The following MALRD1 variants were observed in gnomAD, a reference collection of about 807,000 sequenced individuals.
MALRD1 encodes the protein MAM and LDL receptor class A domain containing 1.
A neutral mutation model predicts 242.1 loss-of-function variants in MALRD1; 247 were observed. The observed-to-expected ratio is 1.02, with a 90% CI of 0.92 to 1.13. MALRD1 has a LOEUF of 1.13. Among genes scored for constraint, MALRD1 ranks in the 50% most tolerant of loss-of-function variants. The pLI is 0.00. For synonymous variants in MALRD1, 995 were observed against 866.6 expected (o/e 1.15, Z -2.60); for missense variants, 2,989 against 2,533.1 (o/e 1.18, Z -3.86).
intron 18 of MALRD1, among the ~76,000 whole-genome samples, chr10:19,211,596 A>T (rs1221683923): frequency 1.4e-5 from 2 of 144,280 alleles, no homozygotes; most frequent in African/African-American, 5.1e-5. Flanking sequence ...GTGAGGCAGG[A>T]TAATCGCTTG....
chr10:19,245,862 T>A lies in MALRD1; in HGVS notation c.2992-11822T>A, dbSNP rs183487441. ...TGCTATTGAATGTCACAATATATTT[T>A]AAAAATTTCTTGAGATGAGTTGTAA... On this transcript the variant is annotated intron_variant, in intron 18 of 39. Coordinates refer to ENST00000454679, the MANE Select transcript of MALRD1 (RefSeq NM_001142308.3). 4.5e-4 allele frequency among the ~76,000 whole-genome samples: 69 copies of A among 152,306 alleles called. 1 individual carries two copies. In the South Asian group the frequency reaches 0.011, roughly 25 times the overall value.
chr10:19,378,789 T>G (rs1845712624), intron 26 of MALRD1, among the ~76,000 whole-genome samples: 1 of 152,114 alleles, frequency 6.6e-6, no homozygotes. Context: ...CATGTATTTT[T>G]CTGTTTTTGG....
chr10:19,348,140 A>C, intron 25 of MALRD1, 122 bp downstream of exon 25: 1 of 1,306,720 alleles, frequency 7.7e-7, no homozygotes, highest in Non-Finnish European at 1.0e-6. Flanking sequence ...GAATTTATTC[A>C]ACTTTGGATA....
chr10:19,681,439 G>C (rs910991265), intron 36 of MALRD1, among the ~76,000 whole-genome samples: 1 of 151,860 alleles, frequency 6.6e-6, no homozygotes, highest in East Asian at 1.9e-4. Context: ...TACTCTGCTT[G>C]GTCAGTTTGG....
chr10:19,285,029 T>C (rs1841036450), intron 21 of MALRD1, among the ~76,000 whole-genome samples: 1 of 105,804 alleles, frequency 9.5e-6, no homozygotes, highest in Non-Finnish European at 1.8e-5. Context: ...TTCATGTGTT[T>C]TTTGGCTGCA....
Position 19,133,883 on chromosome 10 carries a change from A to G in MALRD1, c.1138A>G (p.Ile380Val), listed in dbSNP as rs930460083. 2.8e-5 allele frequency: 34 copies of G among 1,230,742 alleles called. No homozygotes were observed. Among genetic ancestry groups the G allele is most frequent in the Non-Finnish European group, 3.2e-5 (32 of 987,290 alleles). 76.2% of individuals were successfully genotyped at this position (1,230,742 alleles called of 1,614,324 possible). A position where few individuals can be genotyped will look rare whatever the true frequency, so the allele number is the denominator to read the frequency against. Residue 380 changes from isoleucine to valine, a missense_variant, in exon 9 of 40, where the codon ATA (isoleucine) becomes GTA (valine). Coordinates refer to ENST00000454679, the MANE Select transcript of MALRD1 (RefSeq NM_001142308.3). ...AGAAGAAATATTTTGGACATACAAC[A>G]TATCAACTCACAGCCAATGGGTGAA... ...KEEEIFWTYN[I>V]STHSQWVKAD... is the part of the protein sequence containing the mutation.
chr10:19,399,155 C>T (rs183269312), intron 28 of MALRD1, among the ~76,000 whole-genome samples: 147 of 151,628 alleles, frequency 9.7e-4, no homozygotes, highest in African/African-American at 3.4e-3. Flanking sequence ...GGTTGCTGTC[C>T]ATTTGCCCAC....
intron 31 of MALRD1, among the ~76,000 whole-genome samples, chr10:19,530,715 A>C (rs1301867729): frequency 6.6e-6 from 1 of 152,058 alleles, no homozygotes; most frequent in South Asian, 2.1e-4. Flanking sequence ...TGTATTACCC[A>C]GAAAAAGCTA....
chr10:19,686,537 G>T (rs886234453), intron 36 of MALRD1, among the ~76,000 whole-genome samples: 2 of 152,162 alleles, frequency 1.3e-5, no homozygotes, highest in African/African-American at 4.8e-5. Context: ...GGAAGCTGCT[G>T]ATCTCCAGTT....
At chr10:19,611,091 C>T (rs547578436) in intron 35 of MALRD1, among the ~76,000 whole-genome samples, 14 of 152,072 alleles carry the variant, frequency 9.2e-5, no homozygotes, top group Admixed American at 2.0e-4. Context: ...TTATTTAATA[C>T]CTTATACACA....
intron 32 of MALRD1, among the ~76,000 whole-genome samples, chr10:19,555,117 T>TAA (rs1835659215): frequency 6.6e-6 from 1 of 152,096 alleles, no homozygotes; most frequent in Non-Finnish European, 1.5e-5. Flanking sequence ...TCATTGTGTT[T>TAA]TTGATTTGAA....
intron 33 of MALRD1, among the ~76,000 whole-genome samples, chr10:19,584,859 T>G (rs554657646): frequency 7.7e-4 from 117 of 151,940 alleles, no homozygotes; most frequent in Middle Eastern, 3.4e-3. Flanking sequence ...TGTGGGAGTC[T>G]AAGTCTCTTT....
intron 28 of MALRD1, among the ~76,000 whole-genome samples, chr10:19,449,947 C>T (rs1240904323): frequency 5.3e-5 from 8 of 152,144 alleles, no homozygotes; most frequent in African/African-American, 1.2e-4. Context: ...CTAACTGGTG[C>T]ATGATGGGTA....
At chr10:19,521,162 T>G (rs1211212347) in intron 31 of MALRD1, among the ~76,000 whole-genome samples, 1 of 152,120 alleles carries the variant, frequency 6.6e-6, no homozygotes, top group African/African-American at 2.4e-5. Context: ...ATGAATTATC[T>G]CATCGTTTTA....
intron 10 of MALRD1, among the ~76,000 whole-genome samples, chr10:19,137,732 G>A (rs1407152576): frequency 2.0e-5 from 3 of 151,434 alleles, no homozygotes; most frequent in Non-Finnish European, 4.4e-5. Context: ...GTGATGACAA[G>A]AGATCCCATT....
At chr10:19,106,098 A>G (rs1163024917) in intron 5 of MALRD1, among the ~76,000 whole-genome samples, 1 of 151,888 alleles carries the variant, frequency 6.6e-6, no homozygotes, top group Admixed American at 6.6e-5. Context: ...TTTATGGGGT[A>G]CATGTGAGTT....
chr10:19,381,966 C>T (rs993850557), intron 26 of MALRD1, among the ~76,000 whole-genome samples: 1 of 152,030 alleles, frequency 6.6e-6, no homozygotes, highest in Admixed American at 6.6e-5. Flanking sequence ...TGTATTAAAA[C>T]ATTATTTTGA....
chr10:19,433,570 G>A (rs1312339546), intron 28 of MALRD1, among the ~76,000 whole-genome samples: 1 of 152,126 alleles, frequency 6.6e-6, no homozygotes, highest in East Asian at 1.9e-4. Context: ...TGGCTTATTG[G>A]ACATGCTTTA....
intron 38 of MALRD1, among the ~76,000 whole-genome samples, chr10:19,702,341 C>T (rs1833665432): frequency 6.6e-6 from 1 of 152,162 alleles, no homozygotes. Context: ...ACTATTCATG[C>T]CCTCTGCCTG....
Sources: gnomAD v4.1 joint callset for allele counts (sites outside exome capture counted in the v4.1 genomes callset) on GRCh38, gnomAD v4.1.1 for gene constraint, MANE v1.5 for transcripts, NCBI Gene and HGNC (gene_info 2026-07-23, HGNC 2026-07-21) for gene names.